The following VPS13D variants were observed in gnomAD, a reference collection of about 807,000 sequenced individuals.
VPS13D encodes vacuolar protein sorting 13 homolog D.
In VPS13D, 187 loss-of-function variants were observed where a neutral mutation model predicts 461.9. That is an observed-to-expected ratio of 0.40 (90% CI 0.36 to 0.46). The LOEUF is 0.46. VPS13D is among the 20% of genes least tolerant of loss of function. The probability of loss-of-function intolerance (pLI) is 0.60; values close to 1 mark genes in which losing one functional copy is unlikely to be tolerated. For missense variants in VPS13D, 4,711 were observed against 5,364.9 expected (o/e 0.88, Z 3.81); for synonymous variants, 1,951 against 1,986.3 (o/e 0.98, Z 0.47).
At chr1:12,421,882 G>A (rs1320235116) in intron 65 of VPS13D, among the ~76,000 whole-genome samples, 1 of 152,100 alleles carries the variant, frequency 6.6e-6, no homozygotes, top group African/African-American at 2.4e-5. Flanking sequence ...GTGCAGTGGT[G>A]CAATCTCGGC....
At chr1:12,506,144 C>T (rs1443735517) in intron 68 of VPS13D, among the ~76,000 whole-genome samples, 3 of 152,222 alleles carry the variant, frequency 2.0e-5, no homozygotes, top group African/African-American at 7.2e-5. Flanking sequence ...AACTGTCACA[C>T]TGTTCCCAAG....
In VPS13D at chr1:12,373,095, GTTTTTTTTTTTT is replaced by G. The variant is rs571503565; in HGVS notation, c.10809-639_10809-628del. On this transcript the variant is annotated intron_variant, in intron 54 of 69. Transcript: ENST00000620676. Reference sequence around the variant, plus strand: ...TTGGTCCCTTGAATTGTCTGGCTTGGTTTTTTTTTTTTTTTTTTTTTTTTTTTGCTTTTTTTG... The same window carrying G: ...TTGGTCCCTTGAATTGTCTGGCTTGGTTTTTTTTTTTTTTTGCTTTTTTTG... 4.0e-4 allele frequency among the ~76,000 whole-genome samples: 15 copies of G among 37,236 alleles called. 1 individual carries two copies. Among genetic ancestry groups the G allele is most frequent in the South Asian group, 2.4e-3 (2 of 838 alleles). 24.4% of individuals were successfully genotyped at this position (37,236 alleles called of 152,430 possible).
At chr1:12,263,912 TA>T (rs1641189799) in intron 13 of VPS13D, among the ~76,000 whole-genome samples, 2 of 152,224 alleles carry the variant, frequency 1.3e-5, no homozygotes, top group Admixed American at 1.3e-4. Flanking sequence ...TTGCACTTCA[TA>T]GACACCACAT....
At position 12,454,283 on chromosome 1, in the gene VPS13D, G is replaced by A. The variant is rs1011901127; in HGVS notation, c.12334-1715G>A. Among the ~76,000 whole-genome samples the A allele has an allele frequency of 1.3e-4, 20 of 152,338 alleles. 1 individual carries two copies. The highest frequency in any genetic ancestry group is 1.3e-3 in the Admixed American group (20 of 15,306). ...CAGCTTGTGGCCCTTCTCCTATACT[G>A]TGGTAACTCTCAGATGGGGTCTCTG... On this transcript the variant is annotated intron_variant, in intron 65 of 69. Transcript: ENST00000620676.
chr1:12,478,084 CG>C (rs1457964037), intron 67 of VPS13D, among the ~76,000 whole-genome samples: 7 of 152,238 alleles, frequency 4.6e-5, no homozygotes, highest in Non-Finnish European at 1.0e-4. Flanking sequence ...AGGAGCAGCT[CG>C]GGGCCTATAT....
At chr1:12,493,380 G>A in intron 67 of VPS13D, among the ~76,000 whole-genome samples, 1 of 151,700 alleles carries the variant, frequency 6.6e-6, no homozygotes, top group East Asian at 1.9e-4. Context: ...CTACTCGGGA[G>A]GCTGAGGCAG....
At chr1:12,368,669 G>C in intron 53 of VPS13D, 78 bp downstream of exon 53, 1 of 1,447,104 alleles carries the variant, frequency 6.9e-7, no homozygotes, top group Non-Finnish European at 9.2e-7. Context: ...TGACACAATG[G>C]TACAATACAT....
intron 47 of VPS13D, among the ~76,000 whole-genome samples, chr1:12,354,581 C>G (rs1643870150): frequency 6.6e-6 from 1 of 152,088 alleles, no homozygotes; most frequent in African/African-American, 2.4e-5. Flanking sequence ...ACTTATCAAG[C>G]CGAAAGGTTT....
At chr1:12,254,233 G>C (rs1018647608) in intron 7 of VPS13D, among the ~76,000 whole-genome samples, 2 of 152,042 alleles carry the variant, frequency 1.3e-5, no homozygotes, top group African/African-American at 4.8e-5. Context: ...TAGAGATGGG[G>C]TCTCACTCTG....
chr1:12,329,621 G>A (rs542386398), intron 36 of VPS13D, among the ~76,000 whole-genome samples: 1 of 152,340 alleles, frequency 6.6e-6, no homozygotes, highest in Admixed American at 6.5e-5. Flanking sequence ...TTAAGAGGGT[G>A]CCAGAAAACT....
rs1400295225 is a variant in VPS13D at position 12,362,875 on chromosome 1, G to A, written c.10272+25G>A. 8 of 1,613,682 alleles carry A rather than the reference G, an allele frequency of 5.0e-6. No homozygotes were observed. The Admixed American group carries it at 6.7e-5, about 13-fold the overall frequency. ...GGTGAGCAGTTTGCTTTTGAAGGAT[G>A]AGAGTGCCTATTTAATAGCACGAGT... On this transcript the variant is annotated intron_variant, in intron 51 of 69. Transcript: ENST00000620676.
At chr1:12,450,336 G>C (rs1645246754) in intron 65 of VPS13D, among the ~76,000 whole-genome samples, 1 of 152,044 alleles carries the variant, frequency 6.6e-6, no homozygotes, top group Admixed American at 6.6e-5. Context: ...TAGATAGTTG[G>C]GTTTTCCAAA....
intron 65 of VPS13D, among the ~76,000 whole-genome samples, chr1:12,446,670 C>G (rs2100362386): frequency 1.3e-5 from 2 of 152,232 alleles, no homozygotes; most frequent in East Asian, 3.9e-4. Flanking sequence ...AGTTAGTTTG[C>G]TTGACCAGAC....
intron 40 of VPS13D, 91 bp from the exon 41 acceptor site, chr1:12,341,689 A>C (rs1313679743): frequency 8.8e-7 from 1 of 1,133,150 alleles, no homozygotes. Context: ...TTTGCACAAG[A>C]GACAAATTTG....
chr1:12,253,732 T>G lies in VPS13D; in HGVS notation c.575T>G (p.Leu192Arg), dbSNP rs1258308120. 3 of 1,613,792 alleles carry G rather than the reference T, an allele frequency of 1.9e-6. No homozygotes were observed. The highest frequency in any genetic ancestry group is 4.5e-5 in the East Asian group (2 of 44,896). ...TCTTTTTTACCTCAGGTACAGAAACTAATGCGGAAAAAGCAATTAGACGTA... is the reference window on the plus strand; with the variant it reads ...TCTTTTTTACCTCAGGTACAGAAACGAATGCGGAAAAAGCAATTAGACGTA... ...QNAVNEPVQK[L>R]MRKKQLDVAE... Residue 192 changes from leucine to arginine, a missense_variant, in exon 7 of 70, where the codon CTA becomes CGA. Around this residue, in one of 3 missense-constraint regions of VPS13D, gnomAD observed 4,411 missense variants for 4,937.8 expected, o/e 0.89. Coordinates refer to ENST00000620676, the MANE Select transcript of VPS13D (RefSeq NM_015378.4).
intron 63 of VPS13D, among the ~76,000 whole-genome samples, chr1:12,408,275 C>T (rs1644680716): frequency 6.6e-6 from 1 of 152,114 alleles, no homozygotes; most frequent in Non-Finnish European, 1.5e-5. Flanking sequence ...AGCCATATGA[C>T]TTTAGGCCAT....
Position 12,373,741 on chromosome 1 carries a change from A to C in VPS13D, c.10809-9A>C. On this transcript the variant is annotated splice_polypyrimidine_tract_variant and intron_variant, in intron 54 of 69. Transcript: ENST00000620676. ...TTTTTATGTAATATATATATTTTTT[A>C]AATTCTAGCTTGCAGGAGGGAACAG... is the stretch of plus-strand genomic sequence containing the variant. The C allele has an allele frequency of 6.9e-7, 1 of 1,447,654 alleles. No individual in the cohort carries two copies. The highest frequency in any genetic ancestry group is 1.7e-5 in the South Asian group (1 of 60,154). The allele number at this position is 1,447,654 out of a possible 1,614,324, so 89.7% of individuals were successfully genotyped here.
At chr1:12,375,618 AC>A (rs1644187270) in intron 55 of VPS13D, among the ~76,000 whole-genome samples, 1 of 152,112 alleles carries the variant, frequency 6.6e-6, no homozygotes, top group Non-Finnish European at 1.5e-5. Context: ...CTGTATGAAC[AC>A]CCTGGTTTCT....
At chr1:12,283,785 G>T (rs745323668) in intron 21 of VPS13D, 49 bp downstream of exon 21, 2 of 1,524,008 alleles carry the variant, frequency 1.3e-6, no homozygotes, top group African/African-American at 1.4e-5. Context: ...ATGGATTTGG[G>T]CTTGTTGATT....
Sources: allele counts gnomAD v4.1 joint callset (sites outside exome capture counted in the v4.1 genomes callset), GRCh38; gene constraint gnomAD v4.1.1; regional missense constraint gnomAD v4.1.1; transcripts MANE v1.5; gene names NCBI Gene and HGNC (gene_info 2026-07-23, HGNC 2026-07-21).